Variants in AAK1 observed in about 807,000 individuals in gnomAD.
AAK1 encodes AP2-associated protein kinase 1.
A neutral mutation model predicts 116.0 loss-of-function variants in AAK1; 37 were observed. The ratio of observed to expected loss-of-function variants is 0.32; its 90% CI spans 0.25 to 0.42. AAK1 has a LOEUF of 0.42. AAK1 is among the 10% of genes least tolerant of loss of function. AAK1 has a pLI of 1.00. For missense variants in AAK1, 919 were observed against 1,170.6 expected, an observed-to-expected ratio of 0.79 and a Z score of 3.14; for synonymous variants, 458 against 439.9, an observed-to-expected ratio of 1.04 and a Z score of -0.51.
At chr2:69,540,778 T>C (rs968010166) in intron 5 of AAK1, among the ~76,000 whole-genome samples, 14 of 152,184 alleles carry the variant, frequency 9.2e-5, no homozygotes, top group African/African-American at 3.4e-4. Flanking sequence ...TCAAAACATA[T>C]GTCCACACAA....
Position 69,640,844 on chromosome 2 carries a change from C to G in AAK1, c.163+2034G>C, listed in dbSNP as rs370575966. 4.8e-4 allele frequency among the ~76,000 whole-genome samples: 73 copies of G among 152,264 alleles called. No individual in the cohort carries two copies. The East Asian group carries it at 0.013, about 26-fold the overall frequency. On this transcript the variant is annotated intron_variant, in intron 2 of 21. Transcript: ENST00000409085. ...CCCTAAAACTGGGGGCCACTGCACC[C>G]TAAGTTTATCTCTATGATGGCATTT...
chr2:69,483,164 T>C (rs1245689594), intron 17 of AAK1, among the ~76,000 whole-genome samples: 2 of 152,198 alleles, frequency 1.3e-5, no homozygotes, highest in Non-Finnish European at 2.9e-5. Flanking sequence ...TCATTACCAC[T>C]GAAATGATAC....
rs953022907 is a variant in AAK1 at position 69,628,086 on chromosome 2, C to A, written c.163+14792G>T. Among the ~76,000 whole-genome samples the A allele has an allele frequency of 3.9e-5, 6 of 152,162 alleles. No individual in the cohort carries two copies. In the South Asian group the frequency reaches 6.2e-4, roughly 16 times the overall value. On this transcript the variant is annotated intron_variant, in intron 2 of 21. Coordinates refer to ENST00000409085, the MANE Select transcript of AAK1 (RefSeq NM_014911.5). ...AGAAAAAAAGGAATGGAATCTTTCA[C>A]CTCCAGTAAGAATGATACCTCCCTG... is the stretch of plus-strand genomic sequence containing the variant.
rs759490431 is a variant in AAK1, at chr2:69,505,690, C to A, written c.2165-17G>T. On this transcript the variant is annotated splice_polypyrimidine_tract_variant and intron_variant, in intron 15 of 21. Coordinates refer to ENST00000409085, the MANE Select transcript of AAK1 (RefSeq NM_014911.5). The stretch of plus-strand genomic sequence containing the variant: ...GATGTTTGCCTGGAGAGACAAAACA[C>A]CACTCAGTTCATTCTAGCAGAATCT... 2 of 1,598,676 alleles carry A rather than the reference C, an allele frequency of 1.3e-6. No individual in the cohort carries two copies. The highest frequency in any genetic ancestry group is 1.7e-6 in the Non-Finnish European group (2 of 1,166,820).
At chr2:69,548,891 C>T (rs1359813077) in intron 3 of AAK1, among the ~76,000 whole-genome samples, 3 of 152,090 alleles carry the variant, frequency 2.0e-5, no homozygotes, top group Admixed American at 6.6e-5. Flanking sequence ...GCGTGAGCCA[C>T]CACACCCGGC....
rs776931296 is a variant in AAK1 at position 69,642,906 on chromosome 2, C to G, written c.135G>C (p.Gln45His). 21 of 1,613,812 alleles carry G rather than the reference C, an allele frequency of 1.3e-5. No homozygotes were observed. The highest frequency in any genetic ancestry group is 5.0e-5 in the Admixed American group (3 of 60,002). The change falls in exon 2 of 22, where the codon CAG becomes CAC. Residue 45 changes from glutamine to histidine, a missense_variant. Around this residue, in one of 4 missense-constraint regions of AAK1, gnomAD observed 317 missense variants for 490.4 expected, o/e 0.65. Transcript: ENST00000409085. Reference sequence around the variant, plus strand: ...CCGCCAACACCTCGTCCACTGTGACCTGCTGTCGCCCGATGCCGAAGACTC... The same window carrying G: ...CCGCCAACACCTCGTCCACTGTGACGTGCTGTCGCCCGATGCCGAAGACTC... ...IGRVFGIGRQ[Q>H]VTVDEVLAEG...
chr2:69,599,766 ATG>A (rs1210845897), intron 2 of AAK1, among the ~76,000 whole-genome samples: 1 of 151,730 alleles, frequency 6.6e-6, no homozygotes, highest in African/African-American at 2.4e-5. Flanking sequence ...ACAGTCTGCA[ATG>A]TGTGTGTGTG....
chr2:69,551,966 C>CT (rs200019180), intron 3 of AAK1, among the ~76,000 whole-genome samples: 2,417 of 152,338 alleles, frequency 0.016, 33 homozygotes, highest in South Asian at 0.027. Flanking sequence ...GAATCTGCTT[C>CT]TTTGAGTATG....
chr2:69,519,277 T>C, intron 11 of AAK1, 37 bp from the exon 12 acceptor site: 1 of 1,485,534 alleles, frequency 6.7e-7, no homozygotes, highest in Non-Finnish European at 9.0e-7. Flanking sequence ...GGGTTCCAAA[T>C]GCTTCCACAC....
intron 16 of AAK1, among the ~76,000 whole-genome samples, chr2:69,496,366 G>A (rs988785011): frequency 1.5e-5 from 2 of 136,748 alleles, no homozygotes; most frequent in South Asian, 2.5e-4. Context: ...TCCGCCTCCC[G>A]GTTCAAGCGA....
intron 2 of AAK1, among the ~76,000 whole-genome samples, chr2:69,572,162 T>C (rs1672116158): frequency 6.6e-6 from 1 of 152,158 alleles, no homozygotes; most frequent in South Asian, 2.1e-4. Flanking sequence ...GGGTCAGGAC[T>C]AGGGTGAGGG....
Position 69,474,213 on chromosome 2 carries a change from GGAA to G in AAK1, c.*1653_*1655del, listed in dbSNP as rs1483251034. On this transcript the variant is annotated 3_prime_UTR_variant, in exon 22 of 22. Transcript: ENST00000409085. ...TTTCCCCCATAAAGTGCAAATGTGA[GGAA>G]GAAGAAACAAAAGTACTAGATAGCA... 1.0e-6 allele frequency: 1 copy of G among 985,786 alleles called. No individual in the cohort carries two copies. Among genetic ancestry groups the G allele is most frequent in the East Asian group, 1.1e-4 (1 of 8,814 alleles). 61.1% of individuals were successfully genotyped at this position (985,786 alleles called of 1,614,324 possible). A position where few individuals can be genotyped will look rare whatever the true frequency, so the allele number is the denominator to read the frequency against.
At chr2:69,504,287 C>T (rs1299886025) in intron 16 of AAK1, among the ~76,000 whole-genome samples, 1 of 147,574 alleles carries the variant, frequency 6.8e-6, no homozygotes, top group African/African-American at 2.5e-5. Flanking sequence ...GTCCTAGCTA[C>T]TTGAGAGGCT....
chr2:69,564,198 A>G (rs987510220), intron 2 of AAK1, among the ~76,000 whole-genome samples: 3 of 151,940 alleles, frequency 2.0e-5, no homozygotes, highest in Non-Finnish European at 4.4e-5. Context: ...TCTCAAAAAA[A>G]AAAGAAAAAA....
intron 2 of AAK1, among the ~76,000 whole-genome samples, chr2:69,597,064 G>T (rs751866889): frequency 1.3e-5 from 2 of 151,762 alleles, no homozygotes; most frequent in Non-Finnish European, 2.9e-5. Context: ...GCAAATCTGA[G>T]TGTTTTACTT....
rs1185095496 is a variant in AAK1 at position 69,507,643 on chromosome 2, A to G, written c.2007-65T>C. ...AAGTTGAACAAAACAAAAAGGGTCA[A>G]CTTATTTTCTCTGTTTCAGAATCAA... is the stretch of plus-strand genomic sequence containing the variant. On this transcript the variant is annotated intron_variant, in intron 14 of 21. Transcript: ENST00000409085. 7 of 1,377,912 alleles carry G rather than the reference A, an allele frequency of 5.1e-6. No individual in the cohort carries two copies. In the African/African-American group the frequency reaches 1.0e-4, roughly 20 times the overall value. The allele number at this position is 1,377,912 out of a possible 1,614,324, so 85.4% of individuals were successfully genotyped here. A position where few individuals can be genotyped will look rare whatever the true frequency, so the allele number is the denominator to read the frequency against.
chr2:69,487,517 C>A (rs1399304344), intron 17 of AAK1, among the ~76,000 whole-genome samples: 2 of 152,146 alleles, frequency 1.3e-5, no homozygotes, highest in African/African-American at 4.8e-5. Context: ...TGAACAAAGA[C>A]CTTTTTTCAC....
intron 16 of AAK1, among the ~76,000 whole-genome samples, chr2:69,505,274 T>C (rs917358462): frequency 1.3e-5 from 2 of 152,140 alleles, no homozygotes; most frequent in Admixed American, 1.3e-4. Context: ...TCTAGAAATA[T>C]TTGTTTAAGA....
At chr2:69,549,686 A>T (rs1053597231) in intron 3 of AAK1, among the ~76,000 whole-genome samples, 1 of 152,220 alleles carries the variant, frequency 6.6e-6, no homozygotes. Flanking sequence ...CTATACATGC[A>T]TTCTGAATTA....
Sources: gnomAD v4.1 joint callset for allele counts (sites outside exome capture counted in the v4.1 genomes callset) on GRCh38, gnomAD v4.1.1 for gene constraint, gnomAD v4.1.1 regional missense constraint, MANE v1.5 for transcripts, NCBI Gene and HGNC (gene_info 2026-07-23, HGNC 2026-07-21) for gene names.